The following CDH8 variants were observed in gnomAD, a reference collection of about 807,000 sequenced individuals.
CDH8 encodes cadherin 8, also known as cadherin-8.
In CDH8, 17 loss-of-function variants were observed where a neutral mutation model predicts 68.1. The ratio of observed to expected loss-of-function variants is 0.25; its 90% CI spans 0.17 to 0.37. The LOEUF (loss-of-function observed/expected upper bound fraction) is 0.37. CDH8 is among the 10% of genes least tolerant of loss of function. CDH8 has a pLI of 1.00. For synonymous variants in CDH8, 372 were observed against 365.1 expected (o/e 1.02, Z -0.21); for missense variants, 763 against 999.3 (o/e 0.76, Z 3.19).
intron 4 of CDH8, among the ~76,000 whole-genome samples, chr16:61,850,214 G>A (rs529982857): frequency 1.3e-5 from 2 of 152,158 alleles, no homozygotes; most frequent in South Asian, 4.2e-4. Context: ...AGGGAGCAAG[G>A]CATGTCACAT....
intron 3 of CDH8, among the ~76,000 whole-genome samples, chr16:61,866,207 G>A (rs1283482729): frequency 1.3e-5 from 2 of 151,684 alleles, no homozygotes; most frequent in African/African-American, 4.8e-5. Flanking sequence ...CTTGGTGACA[G>A]AGTGAGACCC....
intron 2 of CDH8, among the ~76,000 whole-genome samples, chr16:61,993,309 C>T (rs992881752): frequency 6.6e-6 from 1 of 151,972 alleles, no homozygotes; most frequent in African/African-American, 2.4e-5. Context: ...GCCTTTCCTC[C>T]AGCACTCTTT....
At chr16:61,678,132 C>T (rs1400804830) in intron 10 of CDH8, among the ~76,000 whole-genome samples, 1 of 152,022 alleles carries the variant, frequency 6.6e-6, no homozygotes. Context: ...CCCACCTGCC[C>T]CTTGCTCCCC....
chr16:61,846,396 C>A (rs1433102324), intron 4 of CDH8, among the ~76,000 whole-genome samples: 5 of 152,110 alleles, frequency 3.3e-5, no homozygotes, highest in Non-Finnish European at 7.4e-5. Flanking sequence ...TTCTACCCCA[C>A]ACATTTTGTC....
At chr16:61,793,551 G>T (rs1961430853) in intron 7 of CDH8, among the ~76,000 whole-genome samples, 2 of 151,938 alleles carry the variant, frequency 1.3e-5, no homozygotes, top group African/African-American at 4.8e-5. Context: ...ATGGCCTCCA[G>T]CTCCATCCAT....
chr16:61,665,979 G>T (rs1227889956), intron 10 of CDH8, among the ~76,000 whole-genome samples: 3 of 151,914 alleles, frequency 2.0e-5, no homozygotes, highest in African/African-American at 7.2e-5. Context: ...TGAAATGGAA[G>T]ATGCCAGAAA....
At chr16:61,859,029 G>C (rs2143016601) in intron 3 of CDH8, among the ~76,000 whole-genome samples, 3 of 152,222 alleles carry the variant, frequency 2.0e-5, no homozygotes, top group Middle Eastern at 6.8e-3. Context: ...ATATCTTTTG[G>C]AAGTGTTTTG....
intron 4 of CDH8, among the ~76,000 whole-genome samples, chr16:61,847,973 G>C (rs749487711): frequency 2.6e-5 from 4 of 151,458 alleles, no homozygotes; most frequent in Non-Finnish European, 5.9e-5. Flanking sequence ...CTTGGATATT[G>C]GTTAATCTTT....
At chr16:61,762,108 T>C (rs778698217) in intron 8 of CDH8, among the ~76,000 whole-genome samples, 1 of 152,266 alleles carries the variant, frequency 6.6e-6, no homozygotes, top group Admixed American at 6.5e-5. Flanking sequence ...GCAGATATGG[T>C]GGGATCCTGG....
At chr16:62,018,177 G>A (rs1210766398) in intron 2 of CDH8, among the ~76,000 whole-genome samples, 2 of 152,104 alleles carry the variant, frequency 1.3e-5, no homozygotes, top group African/African-American at 2.4e-5. Context: ...TTCAGACCTC[G>A]AGAGAGTACA....
Position 61,652,392 on chromosome 16 carries a change from T to G in CDH8, c.*1216A>C. On this transcript the variant is annotated 3_prime_UTR_variant, in exon 12 of 12. Transcript: ENST00000577390. ...GATGTAGGTATCTAAAAGTCTAGAG[T>G]TTAAATATTCACAGGAATCAATATA... 1 of 984,988 alleles carries G rather than the reference T, an allele frequency of 1.0e-6. No individual in the cohort carries two copies. Among genetic ancestry groups the G allele is most frequent in the Non-Finnish European group, 1.2e-6 (1 of 829,614 alleles). The allele number at this position is 984,988 out of a possible 1,614,324, so 61.0% of individuals were successfully genotyped here. A position where few individuals can be genotyped will look rare whatever the true frequency, so the allele number is the denominator to read the frequency against.
intron 2 of CDH8, among the ~76,000 whole-genome samples, chr16:62,017,871 A>C (rs951959111): frequency 2.0e-5 from 3 of 152,048 alleles, no homozygotes; most frequent in African/African-American, 7.2e-5. Context: ...TGACTCTTCA[A>C]GACACACAGA....
At chr16:61,779,423 T>TTGTG (rs1377776424) in intron 8 of CDH8, among the ~76,000 whole-genome samples, 4 of 64,032 alleles carry the variant, frequency 6.2e-5, no homozygotes, top group Admixed American at 1.7e-4. Flanking sequence ...TAATGTTCGT[T>TTGTG]TATGTGTGTG....
At chr16:61,915,211 G>A (rs1188120098) in intron 2 of CDH8, among the ~76,000 whole-genome samples, 1 of 152,128 alleles carries the variant, frequency 6.6e-6, no homozygotes, top group Admixed American at 6.5e-5. Context: ...CATGGCTACA[G>A]TCGGAAAATA....
intron 10 of CDH8, among the ~76,000 whole-genome samples, chr16:61,671,565 T>C (rs1963795695): frequency 6.6e-6 from 1 of 152,006 alleles, no homozygotes; most frequent in Non-Finnish European, 1.5e-5. Context: ...ATATGTGATA[T>C]TAAAACAGCC....
intron 11 of CDH8, among the ~76,000 whole-genome samples, chr16:61,654,868 A>G (rs1963406713): frequency 1.3e-5 from 2 of 152,252 alleles, no homozygotes; most frequent in East Asian, 1.9e-4. Context: ...ATGTTTTTCT[A>G]TTTTCCTACT....
intron 10 of CDH8, among the ~76,000 whole-genome samples, chr16:61,689,943 G>A (rs1964185162): frequency 6.6e-6 from 1 of 151,878 alleles, no homozygotes; most frequent in Non-Finnish European, 1.5e-5. Context: ...TGTTCTAAAA[G>A]CCACTGATTT....
rs1427711702 is a variant in CDH8, at chr16:61,650,746, A to C, written c.*2862T>G. On this transcript the variant is annotated 3_prime_UTR_variant, in exon 12 of 12. Coordinates refer to ENST00000577390, the MANE Select transcript of CDH8 (RefSeq NM_001796.5). ...GAGAGAGAGAGAAAGAGAGAAAGAG[A>C]GAGATAGTTCCTGAGATTTTTAGTT... 6.6e-6 allele frequency: 1 copy of C among 151,734 alleles called. No homozygotes were observed. The highest frequency in any genetic ancestry group is 1.5e-5 in the Non-Finnish European group (1 of 67,986). 9.4% of individuals were successfully genotyped at this position (151,734 alleles called of 1,614,324 possible). A position where few individuals can be genotyped will look rare whatever the true frequency, so the allele number is the denominator to read the frequency against.
intron 4 of CDH8, among the ~76,000 whole-genome samples, chr16:61,845,971 G>C (rs1017256434): frequency 2.6e-5 from 4 of 152,116 alleles, no homozygotes; most frequent in Admixed American, 6.6e-5. Context: ...AAAAAGGTAA[G>C]CCTACAGATC....
Sources: allele counts gnomAD v4.1 joint callset (sites outside exome capture counted in the v4.1 genomes callset), GRCh38; gene constraint gnomAD v4.1.1; transcripts MANE v1.5; gene names NCBI Gene and HGNC (gene_info 2026-07-23, HGNC 2026-07-21).